SYT16: variants seen among roughly 807,000 people sequenced by gnomAD.
The protein encoded by SYT16 is synaptotagmin 16, also known as synaptotagmin-16.
SYT16 carries 42 observed loss-of-function variants against 61.4 expected under a neutral mutation model. The observed-to-expected ratio is 0.68, with a 90% CI of 0.53 to 0.89. The LOEUF is 0.89. Ranked by LOEUF, SYT16 falls within the 40% of genes least tolerant of loss-of-function variation. The pLI, the probability that SYT16 is intolerant of heterozygous loss-of-function variation, is 0.00. For missense variants in SYT16, 804 were observed against 807.3 expected (o/e 1.00, Z 0.05); for synonymous variants, 314 against 302.3 (o/e 1.04, Z -0.40).
chr14:61,945,774 T>G lies in SYT16; in HGVS notation c.-324-24358T>G, dbSNP rs898676727. On this transcript the variant is annotated intron_variant, in intron 1 of 7. Transcript: ENST00000683842. ...GGGAGGCTGAGGCAGGAGAATGGCG[T>G]GAACCCGGGAGGCGGAACTTGCAGT... 1.2e-3 allele frequency among the ~76,000 whole-genome samples: 168 copies of G among 137,968 alleles called. 1 individual carries two copies. The South Asian group carries it at 0.013, about 11-fold the overall frequency. The allele number at this position is 137,968 out of a possible 152,430, so 90.5% of individuals were successfully genotyped here.
rs1283399569 is a variant in SYT16 at position 61,854,235 on chromosome 14, C to T, written c.-325+41425C>T. Among the ~76,000 whole-genome samples the T allele has an allele frequency of 3.3e-5, 5 of 152,262 alleles. No individual in the cohort carries two copies. In the East Asian group the frequency reaches 9.6e-4, roughly 29 times the overall value. On this transcript the variant is annotated intron_variant, in intron 1 of 7. Coordinates refer to ENST00000683842, the MANE Select transcript of SYT16 (RefSeq NM_001367656.1). Reference sequence around the variant, plus strand: ...AACTTTAAACTTGGGTTCTAGATCACACCACTGTGAATTAAGGTATTTATA... The same window carrying T: ...AACTTTAAACTTGGGTTCTAGATCATACCACTGTGAATTAAGGTATTTATA...
chr14:62,039,079 C>G (rs891182610), intron 3 of SYT16, among the ~76,000 whole-genome samples: 9 of 152,190 alleles, frequency 5.9e-5, no homozygotes, highest in African/African-American at 2.2e-4. Context: ...AGGACCCTAA[C>G]TTGGGTTTTT....
chr14:61,843,348 T>C (rs994906304), intron 1 of SYT16, among the ~76,000 whole-genome samples: 1 of 152,180 alleles, frequency 6.6e-6, no homozygotes, highest in African/African-American at 2.4e-5. Context: ...CACCTTTCCA[T>C]AGAGTTATTT....
intron 3 of SYT16, among the ~76,000 whole-genome samples, chr14:62,032,768 G>A (rs1959317): frequency 0.34 from 50,736 of 151,242 alleles, 9,303 homozygotes; most frequent in African/African-American, 0.48. Context: ...TTATTTAATT[G>A]GGGTGGAGGG....
At chr14:61,911,552 A>G (rs2583902) in intron 1 of SYT16, among the ~76,000 whole-genome samples, 140,289 of 152,292 alleles carry the variant, frequency 0.92, 64,762 homozygotes, top group East Asian at 0.98. Context: ...AAGAACCAAG[A>G]CAGATGAAAA....
At position 62,110,472 on chromosome 14, in the gene SYT16, A is replaced by C. The variant is rs575306545; in HGVS notation, c.*9765A>C. The C allele has an allele frequency of 6.6e-6, 1 of 152,250 alleles. No homozygotes were observed. The highest frequency in any genetic ancestry group is 2.1e-4 in the South Asian group (1 of 4,828). 9.4% of individuals were successfully genotyped at this position (152,250 alleles called of 1,614,324 possible). ...GACTTGCAATGTTTTTGAAGACTAC[A>C]GGATAGTTTGTGATTTTTATATTAA... On this transcript the variant is annotated 3_prime_UTR_variant, in exon 8 of 8. Transcript: ENST00000683842.
At chr14:61,938,853 G>A (rs1312420884) in intron 1 of SYT16, among the ~76,000 whole-genome samples, 1 of 152,240 alleles carries the variant, frequency 6.6e-6, no homozygotes, top group African/African-American at 2.4e-5. Context: ...ACAGACATGA[G>A]GCTGGGTGCG....
chr14:61,884,092 G>A (rs1429340563), intron 1 of SYT16, among the ~76,000 whole-genome samples: 1 of 152,086 alleles, frequency 6.6e-6, no homozygotes, highest in African/African-American at 2.4e-5. Flanking sequence ...GCATCCTTTG[G>A]ATTTCACTGC....
At chr14:62,093,237 C>G (rs904143364) in intron 7 of SYT16, among the ~76,000 whole-genome samples, 114 of 151,982 alleles carry the variant, frequency 7.5e-4, no homozygotes, top group African/African-American at 2.4e-3. Flanking sequence ...AAATTTTAAT[C>G]TTTTAAACCA....
intron 5 of SYT16, among the ~76,000 whole-genome samples, chr14:62,079,088 G>A (rs2140968503): frequency 6.6e-6 from 1 of 152,306 alleles, no homozygotes; most frequent in African/African-American, 2.4e-5. Flanking sequence ...TAAAATAGAT[G>A]GGAGTTTTAG....
intron 2 of SYT16, among the ~76,000 whole-genome samples, chr14:61,978,604 G>A (rs961728490): frequency 6.6e-5 from 10 of 152,194 alleles, no homozygotes; most frequent in African/African-American, 2.4e-4. Flanking sequence ...TGATTTAAAG[G>A]TGTGGCCAGG....
intron 7 of SYT16, among the ~76,000 whole-genome samples, chr14:62,092,163 T>G (rs2057100644): frequency 7.2e-6 from 1 of 139,624 alleles, no homozygotes; most frequent in African/African-American, 2.6e-5. Context: ...CCCATTAGGA[T>G]GGCTACTATA....
chr14:61,861,700 C>T (rs1484869845), intron 1 of SYT16, among the ~76,000 whole-genome samples: 2 of 152,134 alleles, frequency 1.3e-5, no homozygotes, highest in Non-Finnish European at 2.9e-5. Context: ...CCACCATGCC[C>T]AGCCTGTTTG....
intron 2 of SYT16, among the ~76,000 whole-genome samples, chr14:61,971,038 G>A (rs2051529797): frequency 6.6e-6 from 1 of 151,846 alleles, no homozygotes; most frequent in Non-Finnish European, 1.5e-5. Context: ...ATTTTTTTGA[G>A]TGAAGGGAAG....
intron 1 of SYT16, among the ~76,000 whole-genome samples, chr14:61,968,516 A>G (rs933601288): frequency 1.3e-5 from 2 of 152,046 alleles, no homozygotes; most frequent in South Asian, 2.1e-4. Context: ...ACTGAGTACA[A>G]AGCAGCTGGT....
At chr14:62,049,403 A>G (rs2055163711) in intron 3 of SYT16, among the ~76,000 whole-genome samples, 1 of 152,200 alleles carries the variant, frequency 6.6e-6, no homozygotes, top group Non-Finnish European at 1.5e-5. Flanking sequence ...TGAATACAGC[A>G]CATTGATGGG....
chr14:61,835,982 C>T (rs190370152), intron 1 of SYT16, among the ~76,000 whole-genome samples: 3 of 152,254 alleles, frequency 2.0e-5, no homozygotes, highest in African/African-American at 7.2e-5. Flanking sequence ...GGACTAGTAA[C>T]GTTGCCATCA....
chr14:61,819,209 A>G (rs1033106689), intron 1 of SYT16, among the ~76,000 whole-genome samples: 1 of 152,212 alleles, frequency 6.6e-6, no homozygotes, highest in African/African-American at 2.4e-5. Flanking sequence ...GTAGATTTGG[A>G]TGACATTTGT....
intron 1 of SYT16, among the ~76,000 whole-genome samples, chr14:61,961,150 T>C (rs1031415795): frequency 1.1e-4 from 17 of 152,122 alleles, no homozygotes; most frequent in Admixed American, 3.3e-4. Context: ...ATGTAAAACC[T>C]AAAACTATAA....
Sources: gnomAD v4.1 joint callset for allele counts (sites outside exome capture counted in the v4.1 genomes callset) on GRCh38, gnomAD v4.1.1 for gene constraint, MANE v1.5 for transcripts, NCBI Gene and HGNC (gene_info 2026-07-23, HGNC 2026-07-21) for gene names.